The following PLCD3 variants were observed in gnomAD, a reference collection of about 807,000 sequenced individuals.
PLCD3 encodes 1-phosphatidylinositol 4,5-bisphosphate phosphodiesterase delta-3.
A neutral mutation model predicts 82.8 loss-of-function variants in PLCD3; 62 were observed. The observed-to-expected ratio is 0.75, with a 90% confidence interval of 0.61 to 0.93. The LOEUF (loss-of-function observed/expected upper bound fraction) is 0.93, where lower values mean the gene tolerates loss of function less well. Among genes scored for constraint, PLCD3 ranks in the 40% least tolerant of loss-of-function variants. The pLI is 0.00. For synonymous variants in PLCD3, 478 were observed against 471.8 expected (o/e 1.01, Z -0.17); for missense variants, 1,023 against 1,103.4 (o/e 0.93, Z 1.03).
intron 3 of PLCD3, 101 bp downstream of exon 3, chr17:45,120,801 G>C: frequency 7.6e-7 from 1 of 1,320,906 alleles, no homozygotes; most frequent in Non-Finnish European, 1.0e-6. Flanking sequence ...CTCAGGACAG[G>C]GCCCTGCCTT....
chr17:45,121,102 G>A lies in PLCD3; in HGVS notation c.354C>T (p.Arg118=), dbSNP rs368164667. Residue 118 remains arginine, a synonymous_variant, in exon 3 of 15, where the codon CGC becomes CGT. Coordinates refer to ENST00000619929, the MANE Select transcript of PLCD3 (RefSeq NM_133373.5). ...GCAGGCCCTCGGACTGGTGGCCCTC[G>A]CGGACCGCCTCGATGTGCTGCACGA... ...IFFVQHIEAV[R]EGHQSEGLRR... is the part of the protein sequence containing the mutation. 1.9e-5 allele frequency: 29 copies of A among 1,530,190 alleles called. No homozygotes were observed. The highest frequency in any genetic ancestry group is 2.5e-5 in the Non-Finnish European group (29 of 1,146,932). 94.8% of individuals were successfully genotyped at this position (1,530,190 alleles called of 1,614,324 possible).
At position 45,119,029 on chromosome 17, in the gene PLCD3, G is replaced by A. The variant is rs1340217620; in HGVS notation, c.699C>T (p.Ser233=). ...CAGCCCCCTCTAGACGGTCGTTGTTGGAGTGGTCACACTCCTGGGGAGCAG... is the reference window on the plus strand; with the variant it reads ...CAGCCCCCTCTAGACGGTCGTTGTTAGAGTGGTCACACTCCTGGGGAGCAG... The part of the protein sequence containing the change: ...AYLLFKECDH[S]NNDRLEGAEI... Residue 233 remains serine (S), a synonymous_variant, in exon 5 of 15, where the codon TCC becomes TCT. Transcript: ENST00000619929. 2 of 1,609,024 alleles carry A rather than the reference G, an allele frequency of 1.2e-6. No homozygotes were observed. The highest frequency in any genetic ancestry group is 3.4e-5 in the Admixed American group (2 of 59,524).
In PLCD3 at chr17:45,129,891, A is replaced by G. The variant is rs75062890; in HGVS notation, c.163+2357T>C. On this transcript the variant is annotated intron_variant, in intron 1 of 14. Transcript: ENST00000619929. ...GGATTTTCCTTCCTCAGGCCCCTCT[A>G]AGCCACTCCCTGCCCTAGTCCCTTG... Among the ~76,000 whole-genome samples the G allele has an allele frequency of 9.0e-3, 1,375 of 152,278 alleles. 16 individuals carry two copies. Among genetic ancestry groups the G allele is most frequent in the African/African-American group, 0.031 (1,298 of 41,558 alleles).
chr17:45,122,702 G>A (rs912797400), intron 1 of PLCD3, among the ~76,000 whole-genome samples: 4 of 152,166 alleles, frequency 2.6e-5, no homozygotes, highest in Non-Finnish European at 5.9e-5. Flanking sequence ...TTTCTACAGC[G>A]TGACCGACAC....
In PLCD3 at chr17:45,111,281, G is replaced by A. The variant is rs1567875908; in HGVS notation, c.*1335C>T. 2.0e-5 allele frequency: 3 copies of A among 152,230 alleles called. No individual in the cohort carries two copies. The highest frequency in any genetic ancestry group is 6.5e-5 in the Admixed American group (1 of 15,280). 9.4% of individuals were successfully genotyped at this position (152,230 alleles called of 1,614,324 possible). ...GATTTGCCCTACTGAGCAGACAGGG[G>A]CCTTGAGCCCAGCCAAGCCTGGAGA... On this transcript the variant is annotated 3_prime_UTR_variant, in exon 15 of 15. Coordinates refer to ENST00000619929, the MANE Select transcript of PLCD3 (RefSeq NM_133373.5).
At chr17:45,121,163 G>C (rs779925666) in intron 2 of PLCD3, 33 bp from the exon 3 acceptor site, 4 of 1,523,994 alleles carry the variant, frequency 2.6e-6, no homozygotes, top group Non-Finnish European at 2.6e-6. Flanking sequence ...GCGGAGGACC[G>C]GGCCTGTCCC....
intron 4 of PLCD3, among the ~76,000 whole-genome samples, chr17:45,119,941 AG>A (rs1346906227): frequency 6.6e-6 from 1 of 152,216 alleles, no homozygotes; most frequent in African/African-American, 2.4e-5. Flanking sequence ...GCCACAGTGG[AG>A]GGTCTGCGTG....
chr17:45,127,372 G>A (rs2143591268), intron 1 of PLCD3, among the ~76,000 whole-genome samples: 1 of 152,334 alleles, frequency 6.6e-6, no homozygotes, highest in South Asian at 2.1e-4. Flanking sequence ...GAGGGGTCAG[G>A]CGTGCTGAGG....
rs398030937 is a variant in PLCD3, at chr17:45,126,347, A to ATTTTT, written c.164-4980_164-4976dup. ...AGGCATGAGCCACTGCGCCCAGCCT[A>ATTTTT]TTTTTTTTTTTTTTTTTTTTTTTTG... On this transcript the variant is annotated intron_variant, in intron 1 of 14. Coordinates refer to ENST00000619929, the MANE Select transcript of PLCD3 (RefSeq NM_133373.5). Among the ~76,000 whole-genome samples, 786 of 79,058 alleles carry ATTTTT rather than the reference A, an allele frequency of 9.9e-3. 97 individuals are homozygous for ATTTTT. Among genetic ancestry groups the ATTTTT allele is most frequent in the African/African-American group, 0.026 (432 of 16,628 alleles). The allele number at this position is 79,058 out of a possible 152,430, so 51.9% of individuals were successfully genotyped here.
At chr17:45,123,226 T>G (rs2143579471) in intron 1 of PLCD3, among the ~76,000 whole-genome samples, 1 of 152,282 alleles carries the variant, frequency 6.6e-6, no homozygotes, top group Middle Eastern at 3.4e-3. Context: ...TCCTTCTCCC[T>G]TCTCTTCCTC....
At position 45,132,141 on chromosome 17, in the gene PLCD3, C is replaced by T; in HGVS notation, c.163+107G>A. On this transcript the variant is annotated intron_variant, in intron 1 of 14. Coordinates refer to ENST00000619929, the MANE Select transcript of PLCD3 (RefSeq NM_133373.5). The surrounding 1 kb of genome is among the most constrained non-coding windows in gnomAD (Gnocchi z 4.6). ...CCCTCCGCCCCTAGCCATAGCCTCC[C>T]AGCCCCGTGCAGCCTGGGGAATCCA... is the stretch of plus-strand genomic sequence containing the variant. 1.7e-6 allele frequency: 2 copies of T among 1,153,138 alleles called. No individual in the cohort carries two copies. The highest frequency in any genetic ancestry group is 2.2e-6 in the Non-Finnish European group (2 of 917,630). The allele number at this position is 1,153,138 out of a possible 1,614,324, so 71.4% of individuals were successfully genotyped here.
intron 10 of PLCD3, 85 bp downstream of exon 10, chr17:45,115,009 C>T: frequency 6.6e-7 from 1 of 1,506,812 alleles, no homozygotes; most frequent in Non-Finnish European, 8.9e-7. Flanking sequence ...TACTGTCCCC[C>T]AAAGCCCCCT....
chr17:45,124,591 AG>A (rs751570672), intron 1 of PLCD3, among the ~76,000 whole-genome samples: 16 of 152,256 alleles, frequency 1.1e-4, no homozygotes, highest in Non-Finnish European at 2.1e-4. Flanking sequence ...AGAGGTAAGG[AG>A]GCAAGGTCAG....
chr17:45,113,347 T>G, intron 12 of PLCD3, 90 bp from the exon 13 acceptor site: 1 of 1,550,292 alleles, frequency 6.5e-7, no homozygotes, highest in Admixed American at 2.0e-5. Flanking sequence ...CACTTCCAAA[T>G]GTCCCCAGCC....
At position 45,113,491 on chromosome 17, in the gene PLCD3, G is replaced by T; in HGVS notation, c.1943C>A (p.Ser648Ter). Residue 648 changes from serine to a stop codon, truncating the protein, a stop_gained, in exon 12 of 15, where the codon TCG becomes TAG. Transcript: ENST00000619929. LOFTEE classifies it high-confidence loss of function. ...LKPACLRQPD[S>*]TFDPEYPGPP... is the part of the protein sequence containing the mutation. ...TCCTGGGTACTCGGGGTCAAAGGTC[G>T]AGTCAGGTTGCCGCAGGCAGGCAGG... 1 of 1,592,966 alleles carries T rather than the reference G, an allele frequency of 6.3e-7. No homozygotes were observed. The highest frequency in any genetic ancestry group is 8.5e-7 in the Non-Finnish European group (1 of 1,169,996).
At chr17:45,115,625 C>T (rs1302945016) in intron 8 of PLCD3, 135 bp from the exon 9 acceptor site, 15 of 755,806 alleles carry the variant, frequency 2.0e-5, no homozygotes, top group Non-Finnish European at 3.2e-5. Context: ...CAGAGATGAG[C>T]GATGTTTCTA....
At chr17:45,112,788 T>G in intron 14 of PLCD3, 75 bp downstream of exon 14, 2 of 1,595,186 alleles carry the variant, frequency 1.3e-6, no homozygotes, top group South Asian at 1.1e-5. Flanking sequence ...GGCAGGAAAT[T>G]CGAGGCACAA....
Position 45,132,301 on chromosome 17 carries a change from G to A in PLCD3, c.110C>T (p.Thr37Ile). ...CCTCTTGGTGCCGCCATCGGAGGGA[G>A]TCGGCGGGGACGGGAGAGCGACCGG... is the stretch of plus-strand genomic sequence containing the variant. ...AAPVALPSPP[T>I]PSDGGTKRPG... The change falls in exon 1 of 15, where the codon ACT becomes ATT. Residue 37 changes from threonine (T) to isoleucine (I), a missense_variant. Coordinates refer to ENST00000619929, the MANE Select transcript of PLCD3 (RefSeq NM_133373.5). This position sits in a 1 kb window ranked among gnomAD's most constrained non-coding sequence, Gnocchi z 4.6. The A allele has an allele frequency of 1.6e-6, 2 of 1,263,068 alleles. No individual in the cohort carries two copies. The highest frequency in any genetic ancestry group is 5.9e-5 in the East Asian group (2 of 33,818). 78.2% of individuals were successfully genotyped at this position (1,263,068 alleles called of 1,614,324 possible). A position where few individuals can be genotyped will look rare whatever the true frequency, so the allele number is the denominator to read the frequency against.
rs1315120160 is a variant in PLCD3 at position 45,113,603 on chromosome 17, C to T, written c.1831G>A (p.Ala611Thr). Reference protein sequence around the residue: ...EMWNSGCQLVALNFQTPGYEM... With the variant: ...EMWNSGCQLVTLNFQTPGYEM... ...TAGCCTGGCGTCTGGAAGTTCAAGG[C>T]CACTGTGGACACAGCAGGGTCAGAG... The change falls in exon 12 of 15, where the codon GCC becomes ACC. Residue 611 changes from alanine to threonine, a missense_variant and splice_region_variant. Physicochemically the swap from Ala to Thr is moderately conservative, Grantham distance 58. This residue lies in a region of PLCD3 where 553 missense variants were observed against 655.7 expected (regional missense o/e 0.84). Transcript: ENST00000619929. The T allele has an allele frequency of 1.5e-5, 23 of 1,554,480 alleles. No individual in the cohort carries two copies. The highest frequency in any genetic ancestry group is 2.0e-5 in the Non-Finnish European group (23 of 1,148,734).
Sources: allele counts gnomAD v4.1 joint callset (sites outside exome capture counted in the v4.1 genomes callset), GRCh38; gene constraint gnomAD v4.1.1; regional missense constraint gnomAD v4.1.1; non-coding constraint Gnocchi (gnomAD v3.1); transcripts MANE v1.5; gene names NCBI Gene and HGNC (gene_info 2026-07-23, HGNC 2026-07-21).